The following NEK10 variants were observed in gnomAD, a reference collection of about 807,000 sequenced individuals.
NEK10 encodes the protein serine/threonine-protein kinase Nek10.
A neutral mutation model predicts 159.8 loss-of-function variants in NEK10; 122 were observed. The observed-to-expected ratio is 0.76, with a 90% confidence interval of 0.66 to 0.89. NEK10 has a LOEUF of 0.89. Among genes scored for constraint, NEK10 ranks in the 40% least tolerant of loss-of-function variants. The pLI is 0.00. For synonymous variants in NEK10, 466 were observed against 457.1 expected, an observed-to-expected ratio of 1.02 and a Z score of -0.25; for missense variants, 1,342 against 1,323.1, an observed-to-expected ratio of 1.01 and a Z score of -0.22.
intron 20 of NEK10, among the ~76,000 whole-genome samples, chr3:27,285,234 A>G (rs1461532068): frequency 6.6e-6 from 1 of 152,178 alleles, no homozygotes; most frequent in Non-Finnish European, 1.5e-5. Flanking sequence ...TTTTCTATGT[A>G]TGCCAGGATG....
intron 15 of NEK10, among the ~76,000 whole-genome samples, chr3:27,293,917 A>G (rs962462324): frequency 6.6e-6 from 1 of 152,250 alleles, no homozygotes; most frequent in Non-Finnish European, 1.5e-5. Flanking sequence ...TAGAAAGTAC[A>G]AAATGAGTAC....
chr3:27,259,239 A>G (rs894524174), intron 22 of NEK10, among the ~76,000 whole-genome samples: 3 of 152,068 alleles, frequency 2.0e-5, no homozygotes, highest in African/African-American at 7.2e-5. Context: ...TTCACTTGTC[A>G]ATTTTGGCTT....
At chr3:27,136,103 ATTTTTTTTTT>A (rs775843715) in intron 31 of NEK10, among the ~76,000 whole-genome samples, 5 of 60,678 alleles carry the variant, frequency 8.2e-5, no homozygotes, top group African/African-American at 1.9e-4. Flanking sequence ...TAGGAGATCG[ATTTTTTTTTT>A]TTTTTTTTTT....
chr3:27,241,444 T>C (rs952499963), intron 23 of NEK10, among the ~76,000 whole-genome samples: 4 of 152,182 alleles, frequency 2.6e-5, no homozygotes, highest in Non-Finnish European at 5.9e-5. Flanking sequence ...ATGATGAGCC[T>C]GAAGTGCTGA....
At chr3:27,154,670 C>T (rs1156258328) in intron 30 of NEK10, among the ~76,000 whole-genome samples, 2 of 152,070 alleles carry the variant, frequency 1.3e-5, no homozygotes, top group African/African-American at 2.4e-5. Flanking sequence ...TGTGATATAC[C>T]ACATAAACAG....
At chr3:27,163,539 A>T (rs1421714809) in intron 29 of NEK10, among the ~76,000 whole-genome samples, 1 of 151,710 alleles carries the variant, frequency 6.6e-6, no homozygotes, top group Non-Finnish European at 1.5e-5. Context: ...TTTTTAGTAG[A>T]GACAGTGTTT....
At chr3:27,156,338 A>G (rs970338190) in intron 30 of NEK10, among the ~76,000 whole-genome samples, 2 of 152,210 alleles carry the variant, frequency 1.3e-5, no homozygotes, top group African/African-American at 2.4e-5. Context: ...GCATGGCAAA[A>G]GGAACAGTCA....
rs532010627 is a variant in NEK10, at chr3:27,223,461, T to C, written c.2091-20904A>G. Among the ~76,000 whole-genome samples the C allele has an allele frequency of 3.3e-5, 5 of 152,314 alleles. No homozygotes were observed. In the South Asian group the frequency reaches 1.0e-3, roughly 32 times the overall value. ...ACATCCAAGGGATACTCTTCCATCC[T>C]TTACATGGACGCATATGAAATCACC... On this transcript the variant is annotated intron_variant, in intron 23 of 35. Transcript: ENST00000691995.
intron 26 of NEK10, among the ~76,000 whole-genome samples, chr3:27,180,741 A>G (rs1413276081): frequency 2.6e-5 from 4 of 152,164 alleles, no homozygotes; most frequent in Non-Finnish European, 5.9e-5. Flanking sequence ...CAGTAGAGAA[A>G]GAATTAAAAG....
chr3:27,222,388 C>A (rs1271481695), intron 23 of NEK10, among the ~76,000 whole-genome samples: 5 of 152,014 alleles, frequency 3.3e-5, no homozygotes, highest in Non-Finnish European at 5.9e-5. Flanking sequence ...CAAAACAAAA[C>A]AAAACAAAAA....
chr3:27,248,004 G>A (rs892290825), intron 23 of NEK10, among the ~76,000 whole-genome samples: 3 of 151,538 alleles, frequency 2.0e-5, no homozygotes, highest in South Asian at 2.1e-4. Context: ...TGGGTCTCAG[G>A]TTTTCTTTAC....
chr3:27,280,169 G>A lies in NEK10; in HGVS notation c.2014+4433C>T, dbSNP rs573171411. 4.7e-5 allele frequency among the ~76,000 whole-genome samples: 7 copies of A among 147,690 alleles called. No homozygotes were observed. The East Asian group carries it at 1.4e-3, about 30-fold the overall frequency. ...AATGTTACTAACCCACAGGAACAAT[G>A]AGAATGGGCTTGGCAACAACAGAGG... On this transcript the variant is annotated intron_variant, in intron 22 of 35. Transcript: ENST00000691995.
chr3:27,321,112 GAGCTTCCTAGT>G (rs1559497429), intron 6 of NEK10, among the ~76,000 whole-genome samples: 1 of 151,740 alleles, frequency 6.6e-6, no homozygotes, highest in Non-Finnish European at 1.5e-5. Context: ...TTAAAGGTGT[GAGCTTCCTAGT>G]AGCTTACGAG....
At position 27,111,186 on chromosome 3, in the gene NEK10, C is replaced by CA; in HGVS notation, c.*85dup. The CA allele has an allele frequency of 7.6e-7, 1 of 1,311,468 alleles. No homozygotes were observed. The highest frequency in any genetic ancestry group is 1.1e-6 in the Non-Finnish European group (1 of 914,382). The allele number at this position is 1,311,468 out of a possible 1,614,324, so 81.2% of individuals were successfully genotyped here. A position where few individuals can be genotyped will look rare whatever the true frequency, so the allele number is the denominator to read the frequency against. ...CTTTTCCACACCCTCTAGCAGCACC[C>CA]AATCCTTGGGCATCTTGCAATAGCG... On this transcript the variant is annotated 3_prime_UTR_variant, in exon 36 of 36. Coordinates refer to ENST00000691995, the MANE Select transcript of NEK10 (RefSeq NM_001394966.1).
At chr3:27,117,743 G>A (rs1448850040) in intron 33 of NEK10, among the ~76,000 whole-genome samples, 1 of 152,146 alleles carries the variant, frequency 6.6e-6, no homozygotes, top group Non-Finnish European at 1.5e-5. Flanking sequence ...CGGATAGATA[G>A]ATTGCAAAAA....
intron 3 of NEK10, among the ~76,000 whole-genome samples, chr3:27,347,502 C>CAAAAAAAA (rs35966643): frequency 6.3e-5 from 4 of 63,412 alleles, no homozygotes; most frequent in African/African-American, 2.8e-4. Flanking sequence ...AACTCCGTCT[C>CAAAAAAAA]AAAAAAAAAA....
In NEK10 at chr3:27,287,697, C is replaced by T; in HGVS notation, c.1789+1G>A. Reference sequence around the variant, plus strand: ...GAAATATCATGAAAACTCATACTTACTTTCCAGAAATGTTTTGTAATAACG... The same window carrying T: ...GAAATATCATGAAAACTCATACTTATTTTCCAGAAATGTTTTGTAATAACG... On this transcript the variant is annotated splice_donor_variant, in intron 20 of 35. Transcript: ENST00000691995. LOFTEE classifies it high-confidence loss of function. The T allele has an allele frequency of 2.6e-6, 4 of 1,565,104 alleles. No homozygotes were observed. Among genetic ancestry groups the T allele is most frequent in the Non-Finnish European group, 3.4e-6 (4 of 1,162,040 alleles).
At chr3:27,146,178 T>C (rs1353596703) in intron 30 of NEK10, among the ~76,000 whole-genome samples, 1 of 152,210 alleles carries the variant, frequency 6.6e-6, no homozygotes, top group Non-Finnish European at 1.5e-5. Flanking sequence ...CTTTAGTATA[T>C]CATTGCATAA....
intron 6 of NEK10, among the ~76,000 whole-genome samples, chr3:27,320,020 G>A (rs1261070826): frequency 6.6e-6 from 1 of 152,214 alleles, no homozygotes; most frequent in Non-Finnish European, 1.5e-5. Context: ...CCCCAGCATA[G>A]CTTTGTGACT....
Sources: allele counts gnomAD v4.1 joint callset (sites outside exome capture counted in the v4.1 genomes callset), GRCh38; gene constraint gnomAD v4.1.1; transcripts MANE v1.5; gene names NCBI Gene and HGNC (gene_info 2026-07-23, HGNC 2026-07-21).